The following RALGAPA2 variants were observed in gnomAD, a reference collection of about 807,000 sequenced individuals.
RALGAPA2 encodes ral GTPase-activating protein subunit alpha-2.
In RALGAPA2, 139 loss-of-function variants were observed where a neutral mutation model predicts 230.4. The ratio of observed to expected loss-of-function variants is 0.60; its 90% CI spans 0.53 to 0.69. RALGAPA2 has a LOEUF of 0.69. Among genes scored for constraint, RALGAPA2 ranks in the 30% least tolerant of loss-of-function variants. RALGAPA2 has a pLI of 0.00. For missense variants in RALGAPA2, 2,163 were observed against 2,276.0 expected (o/e 0.95, Z 1.01); for synonymous variants, 847 against 837.8 (o/e 1.01, Z -0.19).
intron 9 of RALGAPA2, among the ~76,000 whole-genome samples, chr20:20,630,469 T>C (rs1568673841): frequency 6.6e-6 from 1 of 152,164 alleles, no homozygotes. Flanking sequence ...AGATATCCAA[T>C]AGTAATCTCT....
At chr20:20,511,726 T>C (rs6112924) in intron 32 of RALGAPA2, among the ~76,000 whole-genome samples, 2 of 152,232 alleles carry the variant, frequency 1.3e-5, no homozygotes, top group African/African-American at 2.4e-5. Flanking sequence ...GTACTTCCCA[T>C]TGGATTTAAT....
At chr20:20,429,672 A>G (rs989148812) in intron 37 of RALGAPA2, among the ~76,000 whole-genome samples, 5 of 152,236 alleles carry the variant, frequency 3.3e-5, no homozygotes, top group Admixed American at 2.0e-4. Context: ...TTTTGAATGG[A>G]CATTTTCAAA....
At chr20:20,667,702 A>G (rs1231839094) in intron 3 of RALGAPA2, among the ~76,000 whole-genome samples, 1 of 152,192 alleles carries the variant, frequency 6.6e-6, no homozygotes, top group African/African-American at 2.4e-5. Context: ...AGAAAGAGAC[A>G]TGGTGCATCA....
chr20:20,643,163 T>C (rs1003241152), intron 5 of RALGAPA2, among the ~76,000 whole-genome samples: 29 of 152,176 alleles, frequency 1.9e-4, no homozygotes, highest in Non-Finnish European at 3.7e-4. Context: ...ATGTGAGCTC[T>C]GAAGCTTAGA....
chr20:20,525,279 C>T (rs1328103440), intron 28 of RALGAPA2, among the ~76,000 whole-genome samples: 1 of 152,200 alleles, frequency 6.6e-6, no homozygotes, highest in African/African-American at 2.4e-5. Flanking sequence ...ACATCTCCAC[C>T]TGCTATCCTG....
chr20:20,583,376 C>T, intron 19 of RALGAPA2, 150 bp from the exon 20 acceptor site: 1 of 847,146 alleles, frequency 1.2e-6, no homozygotes, highest in Admixed American at 3.0e-5. Context: ...TTGAGAGGAG[C>T]TCAAAAAGTG....
intron 3 of RALGAPA2, 144 bp downstream of exon 3, chr20:20,676,092 T>TAAAAAA: frequency 1.8e-6 from 1 of 562,656 alleles, no homozygotes; most frequent in South Asian, 2.9e-5. Flanking sequence ...TTTGTAAAAG[T>TAAAAAA]GGGAGGGTGG....
intron 23 of RALGAPA2, among the ~76,000 whole-genome samples, chr20:20,554,628 ATTTC>A (rs564476558): frequency 8.9e-4 from 135 of 151,360 alleles, no homozygotes; most frequent in Non-Finnish European, 1.7e-3. Flanking sequence ...TTAAATTTTC[ATTTC>A]TTTGTTTATT....
intron 37 of RALGAPA2, among the ~76,000 whole-genome samples, chr20:20,444,904 G>A (rs1014361587): frequency 1.1e-4 from 16 of 152,276 alleles, no homozygotes; most frequent in Admixed American, 5.9e-4. Context: ...TTTGTCCAGC[G>A]GGTCCACGCC....
At chr20:20,544,835 A>T (rs957145352) in intron 24 of RALGAPA2, among the ~76,000 whole-genome samples, 9 of 151,244 alleles carry the variant, frequency 6.0e-5, no homozygotes, top group Non-Finnish European at 1.2e-4. Flanking sequence ...ACATATGGAC[A>T]CAGCGAGGGG....
chr20:20,536,871 G>C, intron 24 of RALGAPA2, 87 bp from the exon 25 acceptor site: 1 of 1,387,426 alleles, frequency 7.2e-7, no homozygotes, highest in Non-Finnish European at 9.6e-7. Flanking sequence ...CTTCATCCTA[G>C]ATAAAAAATA....
Position 20,706,516 on chromosome 20 carries a change from A to T in RALGAPA2, c.106+5859T>A, listed in dbSNP as rs549846014. The stretch of plus-strand genomic sequence containing the variant: ...TCCACGCAAATATTTATCACCTGCT[A>T]GGCCTGCCAAGGTTACAGGGAAGGC... On this transcript the variant is annotated intron_variant, in intron 1 of 39. Coordinates refer to ENST00000202677, the MANE Select transcript of RALGAPA2 (RefSeq NM_020343.4). 7.9e-5 allele frequency among the ~76,000 whole-genome samples: 12 copies of T among 152,318 alleles called. No individual in the cohort carries two copies. The South Asian group carries it at 2.5e-3, about 32-fold the overall frequency.
intron 35 of RALGAPA2, among the ~76,000 whole-genome samples, chr20:20,502,743 C>T (rs1211975889): frequency 1.3e-5 from 2 of 152,180 alleles, no homozygotes; most frequent in African/African-American, 2.4e-5. Flanking sequence ...ATCACAGTTG[C>T]TCTGAGACGT....
At chr20:20,665,423 C>T (rs1415187789) in intron 3 of RALGAPA2, among the ~76,000 whole-genome samples, 1 of 152,210 alleles carries the variant, frequency 6.6e-6, no homozygotes, top group African/African-American at 2.4e-5. Context: ...AATGTAATTT[C>T]AGACTTCCAC....
At chr20:20,535,931 A>G (rs2063486230) in intron 25 of RALGAPA2, 128 bp from the exon 26 acceptor site, 4 of 1,370,538 alleles carry the variant, frequency 2.9e-6, no homozygotes, top group Non-Finnish European at 3.8e-6. Context: ...CTCATCTATG[A>G]GTGAGAGCCT....
intron 23 of RALGAPA2, among the ~76,000 whole-genome samples, chr20:20,548,648 TCC>T (rs2063838749): frequency 6.6e-6 from 1 of 152,166 alleles, no homozygotes; most frequent in South Asian, 2.1e-4. Flanking sequence ...CACTTTAAGG[TCC>T]ATATCAGTCA....
At chr20:20,642,267 G>C (rs764912388) in intron 5 of RALGAPA2, among the ~76,000 whole-genome samples, 2 of 152,036 alleles carry the variant, frequency 1.3e-5, no homozygotes, top group Non-Finnish European at 2.9e-5. Context: ...CTGGAGTGCA[G>C]TGGCATGATC....
chr20:20,605,894 C>T (rs1415858067), intron 14 of RALGAPA2, among the ~76,000 whole-genome samples: 1 of 152,096 alleles, frequency 6.6e-6, no homozygotes, highest in Non-Finnish European at 1.5e-5. Context: ...ACATTCTTGC[C>T]CATATTCACC....
At chr20:20,515,048 C>T (rs1009178852) in intron 31 of RALGAPA2, among the ~76,000 whole-genome samples, 2 of 152,222 alleles carry the variant, frequency 1.3e-5, no homozygotes, top group Non-Finnish European at 2.9e-5. Flanking sequence ...TCCAGTCTGG[C>T]TCAACCCATT....
Sources: gnomAD v4.1 joint callset for allele counts (sites outside exome capture counted in the v4.1 genomes callset) on GRCh38, gnomAD v4.1.1 for gene constraint, MANE v1.5 for transcripts, NCBI Gene and HGNC (gene_info 2026-07-23, HGNC 2026-07-21) for gene names.